The following ARL15 variants were observed in gnomAD, a reference collection of about 807,000 sequenced individuals.
The protein encoded by ARL15 is ADP-ribosylation factor-like protein 15.
ARL15 carries 19 observed loss-of-function variants against 25.2 expected under a neutral mutation model. The observed-to-expected ratio is 0.75, with a 90% confidence interval of 0.53 to 1.10. ARL15 has a LOEUF of 1.10. ARL15 is among the 50% of genes least tolerant of loss of function. The pLI is 0.00. For missense variants in ARL15, 220 were observed against 246.0 expected, an observed-to-expected ratio of 0.89 and a Z score of 0.71; for synonymous variants, 94 against 86.8, an observed-to-expected ratio of 1.08 and a Z score of -0.46.
chr5:53,905,030 T>G (rs1284563569), intron 4 of ARL15, among the ~76,000 whole-genome samples: 1 of 152,162 alleles, frequency 6.6e-6, no homozygotes, highest in Non-Finnish European at 1.5e-5. Context: ...CGCCTGGCCT[T>G]TTAGCCAGTT....
At chr5:54,008,114 C>CT (rs368406780) in intron 4 of ARL15, among the ~76,000 whole-genome samples, 66 of 152,112 alleles carry the variant, frequency 4.3e-4, no homozygotes, top group African/African-American at 1.5e-3. Context: ...CAGAAACAGA[C>CT]TTTTTGTTTT....
intron 4 of ARL15, among the ~76,000 whole-genome samples, chr5:54,014,525 C>CTTTTT (rs35687303): frequency 6.8e-6 from 1 of 146,832 alleles, no homozygotes. Context: ...AGTCCCCATT[C>CTTTTT]TTTTTTTTTT....
At chr5:54,125,237 T>C (rs1320591099) in intron 3 of ARL15, among the ~76,000 whole-genome samples, 2 of 152,150 alleles carry the variant, frequency 1.3e-5, no homozygotes, top group Non-Finnish European at 2.9e-5. Context: ...TTTCGCCATG[T>C]TGGTCAGGCT....
intron 4 of ARL15, among the ~76,000 whole-genome samples, chr5:54,007,023 G>A (rs983682022): frequency 1.3e-5 from 2 of 152,020 alleles, no homozygotes; most frequent in East Asian, 1.9e-4. Flanking sequence ...CCCAGGAGAC[G>A]GAGGTTGCAA....
intron 1 of ARL15, among the ~76,000 whole-genome samples, chr5:54,229,869 T>C (rs1376702915): frequency 3.3e-5 from 5 of 152,120 alleles, no homozygotes. Context: ...GTTCTCCCCT[T>C]TGAGGCCAAA....
At chr5:54,288,910 T>C (rs1231718053) in intron 1 of ARL15, among the ~76,000 whole-genome samples, 1 of 152,160 alleles carries the variant, frequency 6.6e-6, no homozygotes, top group African/African-American at 2.4e-5. Context: ...AATTCAGATT[T>C]GTAAGGAGTA....
In ARL15 at chr5:54,198,593, C is replaced by T. The variant is rs1431943602; in HGVS notation, c.49-26665G>A. Among the ~76,000 whole-genome samples the T allele has an allele frequency of 6.1e-5, 9 of 148,142 alleles. 1 individual carries two copies. Among genetic ancestry groups the T allele is most frequent in the African/African-American group, 1.8e-4 (7 of 39,392 alleles). On this transcript the variant is annotated intron_variant, in intron 1 of 4. Coordinates refer to ENST00000504924, the MANE Select transcript of ARL15 (RefSeq NM_019087.3). ...ACCTAGGAATCCACCTTACAAGGGA[C>T]GTGAAGGACCTCTTCAAGGAGAACT...
intron 4 of ARL15, among the ~76,000 whole-genome samples, chr5:54,081,730 G>A (rs1751803842): frequency 6.6e-6 from 1 of 152,076 alleles, no homozygotes; most frequent in African/African-American, 2.4e-5. Context: ...CCCCAACTAT[G>A]CTGCACTGTG....
At chr5:54,079,222 C>A (rs903962957) in intron 4 of ARL15, among the ~76,000 whole-genome samples, 8 of 152,092 alleles carry the variant, frequency 5.3e-5, no homozygotes, top group African/African-American at 1.9e-4. Context: ...GTCATCTCAT[C>A]CCTTTGCTAT....
intron 1 of ARL15, among the ~76,000 whole-genome samples, chr5:54,269,352 C>T (rs921706317): frequency 2.6e-5 from 4 of 152,016 alleles, no homozygotes; most frequent in Non-Finnish European, 5.9e-5. Context: ...TATTTTTATG[C>T]TTGTAAATCT....
At chr5:54,031,351 A>G (rs1749978824) in intron 4 of ARL15, among the ~76,000 whole-genome samples, 1 of 152,200 alleles carries the variant, frequency 6.6e-6, no homozygotes, top group Non-Finnish European at 1.5e-5. Flanking sequence ...TTGGCCACTC[A>G]GTCAAAGTAG....
chr5:54,157,834 G>A (rs747147512), intron 2 of ARL15, among the ~76,000 whole-genome samples: 7 of 152,298 alleles, frequency 4.6e-5, no homozygotes, highest in Non-Finnish European at 1.0e-4. Context: ...CCATGTTGCT[G>A]TCTCCATATT....
rs1579903646 is a variant in ARL15 at position 54,199,957 on chromosome 5, T to C, written c.49-28029A>G. On this transcript the variant is annotated intron_variant, in intron 1 of 4. Transcript: ENST00000504924. ...GGCACATATACACCATGGAATACTATGCAGCCATAAAAAATGATGAGTTCA... is the reference window on the plus strand; with the variant it reads ...GGCACATATACACCATGGAATACTACGCAGCCATAAAAAATGATGAGTTCA... Among the ~76,000 whole-genome samples the C allele has an allele frequency of 2.7e-5, 4 of 148,642 alleles. No individual in the cohort carries two copies. In the South Asian group the frequency reaches 8.6e-4, roughly 32 times the overall value.
At chr5:54,163,753 C>T (rs1050112930) in intron 2 of ARL15, among the ~76,000 whole-genome samples, 1 of 151,910 alleles carries the variant, frequency 6.6e-6, no homozygotes, top group African/African-American at 2.4e-5. Flanking sequence ...ATTGATGTCA[C>T]CTTTCTTATT....
intron 1 of ARL15, among the ~76,000 whole-genome samples, chr5:54,172,203 C>G (rs1754740886): frequency 6.6e-6 from 1 of 152,152 alleles, no homozygotes; most frequent in South Asian, 2.1e-4. Flanking sequence ...CATCCCACAG[C>G]TTGCCTGCCA....
chr5:53,981,768 G>A (rs1748126239), intron 4 of ARL15, among the ~76,000 whole-genome samples: 1 of 151,834 alleles, frequency 6.6e-6, no homozygotes, highest in African/African-American at 2.4e-5. Flanking sequence ...GCATGGTGGT[G>A]CATGCCCATA....
At chr5:54,242,913 C>T in intron 1 of ARL15, among the ~76,000 whole-genome samples, 1 of 152,128 alleles carries the variant, frequency 6.6e-6, no homozygotes. Context: ...TCTCTTTGCT[C>T]ATACCTTTTC....
chr5:54,151,125 G>A (rs1754057383), intron 3 of ARL15, among the ~76,000 whole-genome samples: 1 of 152,154 alleles, frequency 6.6e-6, no homozygotes, highest in South Asian at 2.1e-4. Flanking sequence ...TGCAAAGACT[G>A]AGACTGTGTA....
chr5:54,266,775 T>C (rs1757636263), intron 1 of ARL15, among the ~76,000 whole-genome samples: 1 of 152,156 alleles, frequency 6.6e-6, no homozygotes, highest in South Asian at 2.1e-4. Flanking sequence ...CTTGGAGAGT[T>C]AGAAGATGAA....
Sources: gnomAD v4.1 joint callset for allele counts (sites outside exome capture counted in the v4.1 genomes callset) on GRCh38, gnomAD v4.1.1 for gene constraint, MANE v1.5 for transcripts, NCBI Gene and HGNC (gene_info 2026-07-23, HGNC 2026-07-21) for gene names.